The following SDC2 variants were observed in gnomAD, a reference collection of about 807,000 sequenced individuals.
SDC2 encodes the protein syndecan 2, also known as syndecan-2.
SDC2 carries 13 observed loss-of-function variants against 22.2 expected under a neutral mutation model. The observed-to-expected ratio is 0.59, with a 90% CI of 0.38 to 0.93. SDC2 has a LOEUF of 0.93. Ranked by LOEUF, SDC2 falls within the 40% of genes least tolerant of loss-of-function variation. SDC2 has a pLI of 0.00. For missense variants in SDC2, 235 were observed against 246.8 expected, an observed-to-expected ratio of 0.95 and a Z score of 0.32; for synonymous variants, 94 against 92.8, an observed-to-expected ratio of 1.01 and a Z score of -0.07.
chr8:96,538,051 A>G (rs1813782848), intron 1 of SDC2, among the ~76,000 whole-genome samples: 2 of 152,166 alleles, frequency 1.3e-5, no homozygotes, highest in Non-Finnish European at 2.9e-5. Flanking sequence ...CAACCTCCAC[A>G]TCCCAGGTTC....
rs559184027 is a variant in SDC2, at chr8:96,534,882, C to A, written c.60+40551C>A. Among the ~76,000 whole-genome samples, 4 of 152,318 alleles carry A rather than the reference C, an allele frequency of 2.6e-5. No individual in the cohort carries two copies. In the East Asian group the frequency reaches 7.7e-4, roughly 29 times the overall value. ...GCTACCCTTGCTCACCATTACAATT[C>A]AAAGCCTCACTGTTCTTGCTTTCTC... On this transcript the variant is annotated intron_variant, in intron 1 of 4. Coordinates refer to ENST00000302190, the MANE Select transcript of SDC2 (RefSeq NM_002998.4).
In SDC2 at chr8:96,511,166, A is replaced by G. The variant is rs147356996; in HGVS notation, c.60+16835A>G. On this transcript the variant is annotated intron_variant, in intron 1 of 4. Transcript: ENST00000302190. ...GGATCCTTCTGCATGCTAACGTTCG[A>G]GAACCTCTGAGCTACGGTTCTCACC... Among the ~76,000 whole-genome samples the G allele has an allele frequency of 6.5e-3, 994 of 152,266 alleles. 18 individuals carry two copies. The highest frequency in any genetic ancestry group is 0.023 in the African/African-American group (941 of 41,542).
chr8:96,593,590 G>T lies in SDC2; in HGVS notation c.171G>T (p.Ser57=), dbSNP rs767413524. Residue 57 remains serine (S), a splice_region_variant and synonymous_variant, in exon 2 of 5, where the codon TCG becomes TCT. Transcript: ENST00000302190. The part of the protein sequence containing the change: ...DDDDYASASG[S]GADEDVESPE... The stretch of plus-strand genomic sequence containing the variant: ...ATGACTACGCTTCTGCGTCTGGCTC[G>T]GGTAAGGTGGCTGCTTCTAAACACT... 7 of 1,599,042 alleles carry T rather than the reference G, an allele frequency of 4.4e-6. No homozygotes were observed. The African/African-American group carries it at 9.4e-5, about 21-fold the overall frequency.
chr8:96,546,640 C>T (rs1405674776), intron 1 of SDC2, among the ~76,000 whole-genome samples: 3 of 152,056 alleles, frequency 2.0e-5, no homozygotes, highest in African/African-American at 7.2e-5. Context: ...TTTTTCTGTT[C>T]CTTGTGGAGC....
chr8:96,499,416 A>G (rs552450539), intron 1 of SDC2, among the ~76,000 whole-genome samples: 2 of 152,368 alleles, frequency 1.3e-5, no homozygotes, highest in South Asian at 2.1e-4. Context: ...AATGAATCAG[A>G]CTAATTTGGG....
At chr8:96,526,584 T>C (rs937580423) in intron 1 of SDC2, among the ~76,000 whole-genome samples, 19 of 151,842 alleles carry the variant, frequency 1.3e-4, no homozygotes, top group African/African-American at 4.4e-4. Context: ...CAGAGAACTA[T>C]GGAAACCACT....
chr8:96,517,007 AAG>A (rs1444025606), intron 1 of SDC2, among the ~76,000 whole-genome samples: 1 of 152,212 alleles, frequency 6.6e-6, no homozygotes, highest in Non-Finnish European at 1.5e-5. Context: ...ATAACATTTC[AAG>A]AAACTGCCAC....
At chr8:96,605,257 T>C (rs1196022077) in intron 3 of SDC2, among the ~76,000 whole-genome samples, 1 of 152,256 alleles carries the variant, frequency 6.6e-6, no homozygotes, top group Non-Finnish European at 1.5e-5. Context: ...ATTTCATTTC[T>C]CACCAGAACT....
At chr8:96,527,283 A>G (rs1813592642) in intron 1 of SDC2, among the ~76,000 whole-genome samples, 1 of 152,128 alleles carries the variant, frequency 6.6e-6, no homozygotes, top group Non-Finnish European at 1.5e-5. Context: ...AAACACTGCA[A>G]TAACATAAAT....
At chr8:96,576,369 TTTTTG>T (rs962377849) in intron 1 of SDC2, among the ~76,000 whole-genome samples, 1 of 27,514 alleles carries the variant, frequency 3.6e-5, no homozygotes, top group Non-Finnish European at 1.2e-4. Context: ...TGGTAGTTTG[TTTTTG>T]TTTTGTTTTG....
rs1165155670 is a variant in SDC2, at chr8:96,493,999, C to G, written c.-273C>G. ...AGCAAGAAGAGCTTCAGAGAGCAGCCTTCCCGGAGCACCAACTCCGTGTCG... is the reference window on the plus strand; with the variant it reads ...AGCAAGAAGAGCTTCAGAGAGCAGCGTTCCCGGAGCACCAACTCCGTGTCG... On this transcript the variant is annotated 5_prime_UTR_variant, in exon 1 of 5. Coordinates refer to ENST00000302190, the MANE Select transcript of SDC2 (RefSeq NM_002998.4). 1 of 521,048 alleles carries G rather than the reference C, an allele frequency of 1.9e-6. No homozygotes were observed. The highest frequency in any genetic ancestry group is 3.3e-6 in the Non-Finnish European group (1 of 299,176). The allele number at this position is 521,048 out of a possible 1,614,324, so 32.3% of individuals were successfully genotyped here.
intron 1 of SDC2, among the ~76,000 whole-genome samples, chr8:96,565,084 A>ATTTTTTTTTTTTTTTTTTTTT (rs11304418): frequency 0.03 from 2,024 of 67,618 alleles, 505 homozygotes; most frequent in Non-Finnish European, 0.036. Flanking sequence ...CCTAAATTTG[A>ATTTTTTTTTTTTTTTTTTTTT]TTTTTTTTTT....
chr8:96,504,681 T>A (rs1358450432), intron 1 of SDC2, among the ~76,000 whole-genome samples: 1 of 152,254 alleles, frequency 6.6e-6, no homozygotes, highest in African/African-American at 2.4e-5. Flanking sequence ...GTATATTATA[T>A]GTTTATGTAT....
chr8:96,576,364 G>GTTTTTTTTTTTTTTTT (rs1291289471), intron 1 of SDC2, among the ~76,000 whole-genome samples: 1 of 19,178 alleles, frequency 5.2e-5, no homozygotes, highest in African/African-American at 1.4e-4. Context: ...ATAATTGGTA[G>GTTTTTTTTTTTTTTTT]TTTGTTTTTG....
chr8:96,581,282 C>A (rs879855872), intron 1 of SDC2, among the ~76,000 whole-genome samples: 1 of 152,096 alleles, frequency 6.6e-6, no homozygotes, highest in Admixed American at 6.5e-5. Context: ...TATCATTTTG[C>A]AAATTCGCTT....
In SDC2 at chr8:96,583,281, T is replaced by A. The variant is rs574521867; in HGVS notation, c.61-10199T>A. Among the ~76,000 whole-genome samples the A allele has an allele frequency of 8.5e-4, 114 of 134,240 alleles. No homozygotes were observed. In the South Asian group the frequency reaches 0.025, roughly 29 times the overall value. 88.1% of individuals were successfully genotyped at this position (134,240 alleles called of 152,430 possible). A position where few individuals can be genotyped will look rare whatever the true frequency, so the allele number is the denominator to read the frequency against. On this transcript the variant is annotated intron_variant, in intron 1 of 4. Coordinates refer to ENST00000302190, the MANE Select transcript of SDC2 (RefSeq NM_002998.4). The stretch of plus-strand genomic sequence containing the variant: ...ACACTTGCTTTAGATTTATATATAA[T>A]ATATATATGTAATATACAATATATA...
intron 1 of SDC2, among the ~76,000 whole-genome samples, chr8:96,568,091 T>C (rs1814330874): frequency 6.6e-6 from 1 of 152,234 alleles, no homozygotes; most frequent in Non-Finnish European, 1.5e-5. Context: ...ATCAGTAAAC[T>C]TAAAGGAGAA....
chr8:96,546,700 AAGG>A (rs1262214161), intron 1 of SDC2, among the ~76,000 whole-genome samples: 1 of 152,200 alleles, frequency 6.6e-6, no homozygotes, highest in Non-Finnish European at 1.5e-5. Context: ...TGTTAACAGT[AAGG>A]AGGTGAATTA....
intron 2 of SDC2, among the ~76,000 whole-genome samples, chr8:96,597,464 T>C (rs751409302): frequency 2.0e-5 from 3 of 152,226 alleles, no homozygotes; most frequent in Non-Finnish European, 4.4e-5. Flanking sequence ...CTAGTCCTCT[T>C]TTCGGTGTTT....
Sources: gnomAD v4.1 joint callset for allele counts (sites outside exome capture counted in the v4.1 genomes callset) on GRCh38, gnomAD v4.1.1 for gene constraint, MANE v1.5 for transcripts, NCBI Gene and HGNC (gene_info 2026-07-23, HGNC 2026-07-21) for gene names.